The following CCL13 variants were observed in gnomAD, a reference collection of about 807,000 sequenced individuals.
CCL13 encodes C-C motif chemokine ligand 13.
A neutral mutation model predicts 6.6 loss-of-function variants in CCL13; 5 were observed. The observed-to-expected ratio is 0.76, with a 90% CI of 0.40 to 1.60. The LOEUF (loss-of-function observed/expected upper bound fraction) is 1.60. CCL13 is among the 40% of genes most tolerant of loss of function. The pLI, the probability that CCL13 is intolerant of heterozygous loss-of-function variation, is 0.02. For missense variants in CCL13, 117 were observed against 114.2 expected (o/e 1.02, Z -0.11); for synonymous variants, 39 against 43.0 (o/e 0.91, Z 0.37).
At chr17:34,356,668 C>A in intron 1 of CCL13, 66 bp downstream of exon 1, 1 of 1,114,208 alleles carries the variant, frequency 9.0e-7, no homozygotes, top group Middle Eastern at 2.6e-4. Flanking sequence ...AAGACCTAAG[C>A]CCGAGTGCTC....
chr17:34,357,666 C>G (rs1414969112), intron 2 of CCL13, 77 bp downstream of exon 2: 1 of 841,912 alleles, frequency 1.2e-6, no homozygotes, highest in East Asian at 2.4e-5. Flanking sequence ...CCCCAGGAGA[C>G]AGACGTCAGA....
rs762063628 is a variant in CCL13 at position 34,358,142 on chromosome 17, C to T, written c.*11C>T. On this transcript the variant is annotated 3_prime_UTR_variant, in exon 3 of 3. Transcript: ENST00000225844. ...ACCCTGAAGACTTGAACTCTGCTAC[C>T]CCTACTGAAATCAAGCTGGAGTACG... 6.3e-7 allele frequency: 1 copy of T among 1,586,050 alleles called. No individual in the cohort carries two copies. The highest frequency in any genetic ancestry group is 1.1e-5 in the South Asian group (1 of 90,478).
rs1302347766 is a variant in CCL13, at chr17:34,358,019, T to C, written c.192-7T>C. 3.7e-6 allele frequency: 6 copies of C among 1,605,276 alleles called. No homozygotes were observed. The highest frequency in any genetic ancestry group is 5.1e-6 in the Non-Finnish European group (6 of 1,173,872). ...ATCTAACTGTGCCAGATCTCCTTCCTCCACAGCTTCAGAACCAAACTGGGC... is the reference window on the plus strand; with the variant it reads ...ATCTAACTGTGCCAGATCTCCTTCCCCCACAGCTTCAGAACCAAACTGGGC... On this transcript the variant is annotated splice_polypyrimidine_tract_variant and splice_region_variant and intron_variant, in intron 2 of 2. Transcript: ENST00000225844.
chr17:34,358,321 GT>G lies in CCL13; in HGVS notation c.*193del, dbSNP rs1910408986. The stretch of plus-strand genomic sequence containing the variant: ...TTATTTGACTTGTTGCTGGTTTGGA[GT>G]TTATTTGAGTATTGCTGATCTTTTC... On this transcript the variant is annotated 3_prime_UTR_variant, in exon 3 of 3. Transcript: ENST00000225844. The G allele has an allele frequency of 3.4e-6, 2 of 592,360 alleles. No homozygotes were observed. Among genetic ancestry groups the G allele is most frequent in the African/African-American group, 3.8e-5 (2 of 52,976 alleles). 36.7% of individuals were successfully genotyped at this position (592,360 alleles called of 1,614,324 possible). A position where few individuals can be genotyped will look rare whatever the true frequency, so the allele number is the denominator to read the frequency against.
In CCL13 at chr17:34,357,895, C is replaced by T. The variant is rs1468999749; in HGVS notation, c.192-131C>T. ...ACCCCTTCTGTCCACACACCTCCTA[C>T]TTCCTGTCCTGGAGGGGTGCCCCTT... On this transcript the variant is annotated intron_variant, in intron 2 of 2. Coordinates refer to ENST00000225844, the MANE Select transcript of CCL13 (RefSeq NM_005408.3). 32 of 636,846 alleles carry T rather than the reference C, an allele frequency of 5.0e-5. No individual in the cohort carries two copies. The South Asian group carries it at 6.4e-4, about 13-fold the overall frequency. The allele number at this position is 636,846 out of a possible 1,614,324, so 39.4% of individuals were successfully genotyped here. A position where few individuals can be genotyped will look rare whatever the true frequency, so the allele number is the denominator to read the frequency against.
chr17:34,358,063 C>G lies in CCL13; in HGVS notation c.229C>G (p.Pro77Ala). 6.2e-7 allele frequency: 1 copy of G among 1,613,904 alleles called. No individual in the cohort carries two copies. The highest frequency in any genetic ancestry group is 1.1e-5 in the South Asian group (1 of 91,076). ...ACTGGGCAAGGAGATCTGTGCTGACCCAAAGGAGAAGTGGGTCCAGAATTA... is the reference window on the plus strand; with the variant it reads ...ACTGGGCAAGGAGATCTGTGCTGACGCAAAGGAGAAGTGGGTCCAGAATTA... ...TKLGKEICAD[P>A]KEKWVQNYMK... The change falls in exon 3 of 3, where the codon CCA becomes GCA. Residue 77 changes from proline to alanine, a missense_variant. Coordinates refer to ENST00000225844, the MANE Select transcript of CCL13 (RefSeq NM_005408.3).
At chr17:34,356,676 C>G in intron 1 of CCL13, 74 bp downstream of exon 1, 2 of 1,054,574 alleles carry the variant, frequency 1.9e-6, no homozygotes, top group Non-Finnish European at 2.9e-6. Context: ...AGCCCGAGTG[C>G]TCCTCCACTT....
Position 34,357,479 on chromosome 17 carries a change from A to T in CCL13, c.81A>T (p.Ala27=). 1 of 1,603,922 alleles carries T rather than the reference A, an allele frequency of 6.2e-7. No homozygotes were observed. The highest frequency in any genetic ancestry group is 8.5e-7 in the Non-Finnish European group (1 of 1,171,148). The change falls in exon 2 of 3, where the codon GCA becomes GCT. Residue 27 remains alanine (A), a synonymous_variant. Transcript: ENST00000225844. Reference sequence around the variant, plus strand: ...TTTCTTTGTAACTATTTCTAGATGCACTCAACGTCCCATCTACTTGCTGCT... The same window carrying T: ...TTTCTTTGTAACTATTTCTAGATGCTCTCAACGTCCCATCTACTTGCTGCT... ...FNPQGLAQPD[A]LNVPSTCCFT...
Position 34,357,523 on chromosome 17 carries a change from A to G in CCL13, c.125A>G (p.Lys42Arg). The change falls in exon 2 of 3, where the codon AAG becomes AGG. Residue 42 changes from lysine (K) to arginine (R), a missense_variant. Coordinates refer to ENST00000225844, the MANE Select transcript of CCL13 (RefSeq NM_005408.3). ...TGCTGCTTCACATTTAGCAGTAAGA[A>G]GATCTCCTTGCAGAGGCTGAAGAGC... is the stretch of plus-strand genomic sequence containing the variant. ...STCCFTFSSK[K>R]ISLQRLKSYV... 1.2e-6 allele frequency: 2 copies of G among 1,613,640 alleles called. No individual in the cohort carries two copies. The highest frequency in any genetic ancestry group is 1.7e-6 in the Non-Finnish European group (2 of 1,179,560).
chr17:34,357,224 G>A (rs1230578545), intron 1 of CCL13, among the ~76,000 whole-genome samples: 1 of 152,066 alleles, frequency 6.6e-6, no homozygotes, highest in Non-Finnish European at 1.5e-5. Flanking sequence ...CTTTCCCACT[G>A]GCCTTGCCCG....
At position 34,358,523 on chromosome 17, in the gene CCL13, G is replaced by A. The variant is rs1910415637; in HGVS notation, c.*392G>A. The A allele has an allele frequency of 1.2e-5, 3 of 255,456 alleles. No individual in the cohort carries two copies. Among genetic ancestry groups the A allele is most frequent in the South Asian group, 8.7e-5 (2 of 22,858 alleles). The allele number at this position is 255,456 out of a possible 1,614,324, so 15.8% of individuals were successfully genotyped here. ...GGAGAGCTCTTTGTGAATGTGAGGT[G>A]TTGCTAAATATGTTATTGTGGAAAG... On this transcript the variant is annotated 3_prime_UTR_variant, in exon 3 of 3. Coordinates refer to ENST00000225844, the MANE Select transcript of CCL13 (RefSeq NM_005408.3).
rs1165793628 is a variant in CCL13 at position 34,356,484 on chromosome 17, A to C, written c.-43A>C. On this transcript the variant is annotated 5_prime_UTR_variant, in exon 1 of 3. Coordinates refer to ENST00000225844, the MANE Select transcript of CCL13 (RefSeq NM_005408.3). ...CGGCGGAACAGCCAGAGGAGCAGAG[A>C]GGCAAAGAAACATTGTGAAATCTCC... 3 of 1,440,166 alleles carry C rather than the reference A, an allele frequency of 2.1e-6. No individual in the cohort carries two copies. Among genetic ancestry groups the C allele is most frequent in the Non-Finnish European group, 2.9e-6 (3 of 1,026,592 alleles). 89.2% of individuals were successfully genotyped at this position (1,440,166 alleles called of 1,614,324 possible). A position where few individuals can be genotyped will look rare whatever the true frequency, so the allele number is the denominator to read the frequency against.
intron 2 of CCL13, 33 bp downstream of exon 2, chr17:34,357,622 TC>T: frequency 7.8e-7 from 1 of 1,288,312 alleles, no homozygotes; most frequent in Non-Finnish European, 1.1e-6. Context: ...ACCTGGCTCC[TC>T]CCCACTCCCA....
Position 34,358,187 on chromosome 17 carries a change from T to G in CCL13, c.*56T>G. On this transcript the variant is annotated 3_prime_UTR_variant, in exon 3 of 3. Transcript: ENST00000225844. ...AGTACGTGAAATGACTTTTCCATTC[T>G]CCTCTGGCCTCCTCTTCTATGCTTT... The G allele has an allele frequency of 1.8e-6, 2 of 1,085,854 alleles. No individual in the cohort carries two copies. Among genetic ancestry groups the G allele is most frequent in the Non-Finnish European group, 2.8e-6 (2 of 707,468 alleles). 67.3% of individuals were successfully genotyped at this position (1,085,854 alleles called of 1,614,324 possible).
At position 34,358,133 on chromosome 17, in the gene CCL13, C is replaced by A. The variant is rs779852870; in HGVS notation, c.*2C>A. On this transcript the variant is annotated 3_prime_UTR_variant, in exon 3 of 3. Transcript: ENST00000225844. ...AAAGCTCACACCCTGAAGACTTGAA[C>A]TCTGCTACCCCTACTGAAATCAAGC... 1 of 1,600,092 alleles carries A rather than the reference C, an allele frequency of 6.2e-7. No individual in the cohort carries two copies. Among genetic ancestry groups the A allele is most frequent in the Middle Eastern group, 1.7e-4 (1 of 6,010 alleles).
chr17:34,356,886 G>C (rs1428753482), intron 1 of CCL13, among the ~76,000 whole-genome samples: 3 of 152,142 alleles, frequency 2.0e-5, no homozygotes, highest in Non-Finnish European at 4.4e-5. Context: ...TGTTGGCCAG[G>C]CTGGTCTCAA....
At chr17:34,356,877 G>A (rs926488279) in intron 1 of CCL13, among the ~76,000 whole-genome samples, 2 of 152,120 alleles carry the variant, frequency 1.3e-5, no homozygotes, top group African/African-American at 4.8e-5. Context: ...GTTTCACTAT[G>A]TTGGCCAGGC....
rs1910410697 is a variant in CCL13 at position 34,358,378 on chromosome 17, G to C, written c.*247G>C. On this transcript the variant is annotated 3_prime_UTR_variant, in exon 3 of 3. Transcript: ENST00000225844. ...CAAGGCCTTGAGCAAGTAGGTTGCT[G>C]TCTCTAAGCCCCCTTCCCTTCCACT... 1 of 465,392 alleles carries C rather than the reference G, an allele frequency of 2.1e-6. No homozygotes were observed. The highest frequency in any genetic ancestry group is 3.9e-6 in the Non-Finnish European group (1 of 259,506). The allele number at this position is 465,392 out of a possible 1,614,324, so 28.8% of individuals were successfully genotyped here.
At chr17:34,357,915 C>T in intron 2 of CCL13, 111 bp from the exon 3 acceptor site, 1 of 690,300 alleles carries the variant, frequency 1.4e-6, no homozygotes, top group East Asian at 2.6e-5. Flanking sequence ...TGGAGGGGTG[C>T]CCCTTCACCT....
Sources: gnomAD v4.1 joint callset for allele counts (sites outside exome capture counted in the v4.1 genomes callset) on GRCh38, gnomAD v4.1.1 for gene constraint, MANE v1.5 for transcripts, NCBI Gene and HGNC (gene_info 2026-07-23, HGNC 2026-07-21) for gene names.